LAIR1: variants seen among roughly 807,000 people sequenced by gnomAD.
LAIR1 encodes leukocyte-associated immunoglobulin-like receptor 1.
In LAIR1, 24 loss-of-function variants were observed where a neutral mutation model predicts 32.8. The observed-to-expected ratio is 0.73, with a 90% CI of 0.53 to 1.03. LAIR1 has a LOEUF of 1.03. Ranked by LOEUF, LAIR1 falls within the 50% of genes least tolerant of loss-of-function variation. LAIR1 has a pLI of 0.00. For synonymous variants in LAIR1, 150 were observed against 140.5 expected (o/e 1.07, Z -0.48); for missense variants, 355 against 347.5 (o/e 1.02, Z -0.17).
chr19:54,358,570 A>G lies in LAIR1; in HGVS notation c.415+1452T>C, dbSNP rs542511297. 6.5e-5 allele frequency: 105 copies of G among 1,610,058 alleles called. 1 individual carries two copies. In the Admixed American group the frequency reaches 1.7e-3, roughly 26 times the overall value. ...ATTGAAGTTCACAAGACGGGAGGCCATTTCTCCTCATTCTTGGTGCATCAA... is the reference window on the plus strand; with the variant it reads ...ATTGAAGTTCACAAGACGGGAGGCCGTTTCTCCTCATTCTTGGTGCATCAA... On this transcript the variant is annotated intron_variant, in intron 4 of 9. Transcript: ENST00000391742.
At chr19:54,373,485 A>G (rs1601355886), upstream of LAIR1, among the ~76,000 whole-genome samples, 3 of 152,312 alleles carry the variant, frequency 2.0e-5, no homozygotes, top group Admixed American at 2.0e-4. Flanking sequence ...CGATAGACCA[A>G]TATTTATCAA....
rs1278572357 is a variant in LAIR1 at position 54,364,576 on chromosome 19, C to G, written c.34+195G>C. The G allele has an allele frequency of 2.5e-6, 2 of 795,148 alleles. No individual in the cohort carries two copies. Among genetic ancestry groups the G allele is most frequent in the Non-Finnish European group, 4.4e-6 (2 of 453,670 alleles). The allele number at this position is 795,148 out of a possible 1,614,324, so 49.3% of individuals were successfully genotyped here. A position where few individuals can be genotyped will look rare whatever the true frequency, so the allele number is the denominator to read the frequency against. ...CCCTTCTTAAAGCTGACCTCATCCC[C>G]ACACCCGGGCCCCTGTTTTTAGGAC... On this transcript the variant is annotated intron_variant, in intron 1 of 9. Transcript: ENST00000391742. The surrounding 1 kb of genome is among the most constrained non-coding windows in gnomAD (Gnocchi z 4.8).
Position 54,362,350 on chromosome 19 carries a change from C to G in LAIR1, c.71-1141G>C, listed in dbSNP as rs551655614. On this transcript the variant is annotated intron_variant, in intron 2 of 9. Transcript: ENST00000391742. ...ATTTTTCTTTCTTTTAACCATATCTCAGTTACTTATCAATCTGTTTAAAGA... is the reference window on the plus strand; with the variant it reads ...ATTTTTCTTTCTTTTAACCATATCTGAGTTACTTATCAATCTGTTTAAAGA... Among the ~76,000 whole-genome samples the G allele has an allele frequency of 3.3e-5, 5 of 152,292 alleles. No individual in the cohort carries two copies. The South Asian group carries it at 1.0e-3, about 32-fold the overall frequency.
chr19:54,366,276 T>C (rs1240821072), upstream of LAIR1, among the ~76,000 whole-genome samples: 1 of 152,148 alleles, frequency 6.6e-6, no homozygotes, highest in Non-Finnish European at 1.5e-5. Context: ...GAGAAGGGAA[T>C]GTTTGAAACT....
At chr19:54,367,670 C>T (rs1371949867), upstream of LAIR1, among the ~76,000 whole-genome samples, 13 of 151,248 alleles carry the variant, frequency 8.6e-5, no homozygotes, top group East Asian at 3.9e-4. Context: ...GGTGGGAACC[C>T]GGGAGGCGGA....
At chr19:54,366,436 C>T (rs1195948154), upstream of LAIR1, among the ~76,000 whole-genome samples, 1 of 152,220 alleles carries the variant, frequency 6.6e-6, no homozygotes, top group Non-Finnish European at 1.5e-5. Flanking sequence ...AACAACGTGG[C>T]TGCATTCTGT....
upstream of LAIR1, among the ~76,000 whole-genome samples, chr19:54,365,997 C>T (rs1317418047): frequency 3.3e-5 from 5 of 152,156 alleles, no homozygotes; most frequent in Non-Finnish European, 7.3e-5. Context: ...AACCTGAGGA[C>T]ATCACGCCAA....
upstream of LAIR1, among the ~76,000 whole-genome samples, chr19:54,374,674 A>T (rs1464970364): frequency 1.3e-5 from 2 of 151,830 alleles, no homozygotes; most frequent in African/African-American, 4.8e-5. Context: ...TCCCAACAGA[A>T]CTCATCAGGC....
At chr19:54,368,383 G>A (rs1369760590), upstream of LAIR1, 1 of 152,190 alleles carries the variant, frequency 6.6e-6, no homozygotes, top group Non-Finnish European at 1.5e-5. Flanking sequence ...CCAAAACACA[G>A]TGGCTCCTGA....
At chr19:54,375,000 G>A (rs867906490), upstream of LAIR1, among the ~76,000 whole-genome samples, 11 of 152,180 alleles carry the variant, frequency 7.2e-5, no homozygotes, top group Middle Eastern at 3.4e-3. Flanking sequence ...TGACCCTCCT[G>A]TGTCCAGGTC....
At chr19:54,356,070 C>T (rs1351847401) in intron 8 of LAIR1, 64 bp from the exon 9 acceptor site, 2 of 1,346,836 alleles carry the variant, frequency 1.5e-6, no homozygotes, top group East Asian at 2.3e-5. Context: ...CTGCCTGAGA[C>T]CCCCACCCCC....
chr19:54,373,672 G>T (rs2082457584), upstream of LAIR1, among the ~76,000 whole-genome samples: 2 of 151,466 alleles, frequency 1.3e-5, 1 homozygote, highest in East Asian at 3.9e-4. Flanking sequence ...GTGCACACCT[G>T]TAATCCCAGC....
At position 54,356,911 on chromosome 19, in the gene LAIR1, C is replaced by G. The variant is rs139663742; in HGVS notation, c.454+17G>C. 2 of 1,613,660 alleles carry G rather than the reference C, an allele frequency of 1.2e-6. No individual in the cohort carries two copies. Among genetic ancestry groups the G allele is most frequent in the Admixed American group, 1.7e-5 (1 of 59,982 alleles). On this transcript the variant is annotated intron_variant, in intron 5 of 9. Transcript: ENST00000391742. Reference sequence around the variant, plus strand: ...AGGCACACACCAGCTTCATGCTCCACGGCCCCCATCACTCACGCTCATTGT... The same window carrying G: ...AGGCACACACCAGCTTCATGCTCCAGGGCCCCCATCACTCACGCTCATTGT...
chr19:54,363,839 G>A (rs1295002536), intron 2 of LAIR1, among the ~76,000 whole-genome samples: 5 of 152,268 alleles, frequency 3.3e-5, no homozygotes, highest in South Asian at 2.1e-4. Flanking sequence ...ACAAAGTTTC[G>A]AGTAGCCAGG....
chr19:54,374,753 G>T (rs2082473147), upstream of LAIR1, among the ~76,000 whole-genome samples: 1 of 152,116 alleles, frequency 6.6e-6, no homozygotes, highest in South Asian at 2.1e-4. Flanking sequence ...CACAAGCCAG[G>T]ATGGTGACTC....
chr19:54,360,921 A>G lies in LAIR1; in HGVS notation c.359T>C (p.Val120Ala). 1.2e-6 allele frequency: 2 copies of G among 1,611,560 alleles called. No homozygotes were observed. Among genetic ancestry groups the G allele is most frequent in the South Asian group, 2.2e-5 (2 of 91,000 alleles). Residue 120 changes from valine to alanine, a missense_variant, in exon 3 of 10, where the codon GTG becomes GCG. Val to Ala is a moderately conservative substitution (Grantham distance 64). Coordinates refer to ENST00000391742, the MANE Select transcript of LAIR1 (RefSeq NM_002287.6). ...SEQSDYLELL[V>A]KESSGGPDSP... Reference sequence around the variant, plus strand: ...GGCCCAGGTGACGTCCTCACCTTTCACCAGCAGCTCCAGGTAGTCACTCTG... The same window carrying G: ...GGCCCAGGTGACGTCCTCACCTTTCGCCAGCAGCTCCAGGTAGTCACTCTG...
intron 3 of LAIR1, 105 bp downstream of exon 3, chr19:54,360,811 A>C: frequency 4.5e-6 from 5 of 1,117,672 alleles, no homozygotes; most frequent in Non-Finnish European, 6.5e-6. Flanking sequence ...CAGGAGGAGG[A>C]CAAGGTTGGC....
chr19:54,361,814 G>A (rs984925427), intron 2 of LAIR1, among the ~76,000 whole-genome samples: 1 of 151,936 alleles, frequency 6.6e-6, no homozygotes, highest in Non-Finnish European at 1.5e-5. Flanking sequence ...ACCACCTCTG[G>A]GTTTTCCTCT....
At chr19:54,373,413 C>T (rs1397031181), upstream of LAIR1, among the ~76,000 whole-genome samples, 2 of 151,656 alleles carry the variant, frequency 1.3e-5, no homozygotes, top group Non-Finnish European at 2.9e-5. Flanking sequence ...CACTGCACTC[C>T]AGCCAGGGTG....
Sources: gnomAD v4.1 joint callset for allele counts (sites outside exome capture counted in the v4.1 genomes callset) on GRCh38, gnomAD v4.1.1 for gene constraint, Gnocchi (gnomAD v3.1) non-coding constraint, MANE v1.5 for transcripts, NCBI Gene and HGNC (gene_info 2026-07-23, HGNC 2026-07-21) for gene names.